Variants in ADAMTS12 observed in about 807,000 individuals in gnomAD.
ADAMTS12 encodes ADAM metallopeptidase with thrombospondin type 1 motif 12.
Under a neutral mutation model 167.8 loss-of-function variants are expected in ADAMTS12, and 118 were observed. The ratio of observed to expected loss-of-function variants is 0.70; its 90% confidence interval spans 0.61 to 0.82. ADAMTS12 has a LOEUF of 0.82. Among genes scored for constraint, ADAMTS12 ranks in the 40% least tolerant of loss-of-function variants. The probability of loss-of-function intolerance (pLI) is 0.00; values close to 1 mark genes in which losing one functional copy is unlikely to be tolerated. For missense variants in ADAMTS12, 1,916 were observed against 1,998.8 expected, an observed-to-expected ratio of 0.96 and a Z score of 0.79; for synonymous variants, 704 against 716.9, an observed-to-expected ratio of 0.98 and a Z score of 0.29.
intron 2 of ADAMTS12, among the ~76,000 whole-genome samples, chr5:33,752,298 C>T (rs1412824026): frequency 6.6e-6 from 1 of 152,148 alleles, no homozygotes; most frequent in Admixed American, 6.5e-5. Flanking sequence ...AACTGCTTTG[C>T]CAATGATCTC....
intron 3 of ADAMTS12, among the ~76,000 whole-genome samples, chr5:33,699,993 G>A (rs958408711): frequency 1.2e-4 from 18 of 152,100 alleles, no homozygotes; most frequent in Admixed American, 1.0e-3. Flanking sequence ...GCCACAATGA[G>A]ATATTGCTAT....
At chr5:33,813,743 T>C (rs548148426) in intron 2 of ADAMTS12, among the ~76,000 whole-genome samples, 1 of 152,278 alleles carries the variant, frequency 6.6e-6, no homozygotes, top group South Asian at 2.1e-4. Context: ...CAGCACCAAT[T>C]TGTGGGCCAT....
At chr5:33,612,052 T>A (rs1232236682) in intron 16 of ADAMTS12, among the ~76,000 whole-genome samples, 2 of 152,230 alleles carry the variant, frequency 1.3e-5, no homozygotes, top group Non-Finnish European at 2.9e-5. Context: ...CAGGCAACCT[T>A]CCAATGTTAC....
In ADAMTS12 at chr5:33,685,076, C is replaced by T. The variant is rs542558722; in HGVS notation, c.635-1021G>A. ...AGAAGCCTGGGCTGATACAGGGCAG[C>T]GCCTGGGTCTTTGAAGATTCCTATC... On this transcript the variant is annotated intron_variant, in intron 3 of 23. Transcript: ENST00000504830. 5.3e-5 allele frequency among the ~76,000 whole-genome samples: 8 copies of T among 152,310 alleles called. No individual in the cohort carries two copies. The East Asian group carries it at 5.8e-4, about 11-fold the overall frequency.
At chr5:33,663,164 T>A (rs552931469) in intron 5 of ADAMTS12, among the ~76,000 whole-genome samples, 16 of 152,350 alleles carry the variant, frequency 1.1e-4, no homozygotes, top group African/African-American at 3.6e-4. Flanking sequence ...TAAAAGTCAC[T>A]GAGCTGCTCA....
chr5:33,552,499 T>C (rs893063842), intron 20 of ADAMTS12, among the ~76,000 whole-genome samples: 6 of 152,360 alleles, frequency 3.9e-5, no homozygotes, highest in Admixed American at 1.3e-4. Flanking sequence ...TTTCTTCCTC[T>C]CAAAGTTATA....
chr5:33,814,313 T>C (rs1747571313), intron 2 of ADAMTS12, among the ~76,000 whole-genome samples: 1 of 152,230 alleles, frequency 6.6e-6, no homozygotes, highest in Admixed American at 6.5e-5. Context: ...TCCATATAGA[T>C]ATCTAATTCA....
intron 17 of ADAMTS12, among the ~76,000 whole-genome samples, chr5:33,594,108 G>C (rs1561153774): frequency 6.6e-6 from 1 of 152,186 alleles, no homozygotes; most frequent in Non-Finnish European, 1.5e-5. Context: ...CACGTGTTGT[G>C]GGAGGGACCT....
chr5:33,588,503 T>C (rs1747469094), intron 18 of ADAMTS12, 96 bp downstream of exon 18: 19 of 1,502,796 alleles, frequency 1.3e-5, no homozygotes, highest in Non-Finnish European at 1.7e-5. Context: ...ATTTTGCAAT[T>C]TTACCTAGGG....
chr5:33,874,468 T>C (rs1026254620), intron 2 of ADAMTS12, among the ~76,000 whole-genome samples: 10 of 152,338 alleles, frequency 6.6e-5, no homozygotes, highest in Middle Eastern at 3.4e-3. Context: ...GGAACTCACC[T>C]TCATTGCTGG....
At chr5:33,534,704 C>A (rs1340363442) in intron 23 of ADAMTS12, 129 bp downstream of exon 23, 6 of 1,249,894 alleles carry the variant, frequency 4.8e-6, no homozygotes, top group Admixed American at 5.4e-5. Flanking sequence ...CCCAGGGTTA[C>A]TGGTTGACCT....
Position 33,637,615 on chromosome 5 carries a change from T to C in ADAMTS12, c.1850A>G (p.Lys617Arg), listed in dbSNP as rs1403492663. The change falls in exon 12 of 24, where the codon AAG becomes AGG. Residue 617 changes from lysine to arginine, a missense_variant. Physicochemically the swap from Lys to Arg is conservative, Grantham distance 26. Coordinates refer to ENST00000504830, the MANE Select transcript of ADAMTS12 (RefSeq NM_030955.4). ...QCSEFDTVPY[K>R]NELYHWFPIF... ...GGGAAACCAGTGGTAGAGTTCATTC[T>C]TGTAGGGAACAGTGTCAAATTCACT... The C allele has an allele frequency of 6.2e-7, 1 of 1,613,674 alleles. No homozygotes were observed. Among genetic ancestry groups the C allele is most frequent in the South Asian group, 1.1e-5 (1 of 91,064 alleles).
chr5:33,778,077 T>C (rs7735590), intron 2 of ADAMTS12, among the ~76,000 whole-genome samples: 7,666 of 152,164 alleles, frequency 0.05, 692 homozygotes, highest in African/African-American at 0.18. Context: ...ATAACTGATA[T>C]ATGAAAAATA....
chr5:33,614,103 CA>C, intron 16 of ADAMTS12, 134 bp downstream of exon 16: 1 of 1,240,880 alleles, frequency 8.1e-7, no homozygotes, highest in Non-Finnish European at 1.1e-6. Flanking sequence ...TCACTGTCCG[CA>C]GAGGCCCCTG....
intron 2 of ADAMTS12, among the ~76,000 whole-genome samples, chr5:33,798,728 C>T (rs1746875859): frequency 6.6e-6 from 1 of 152,130 alleles, no homozygotes; most frequent in African/African-American, 2.4e-5. Context: ...GCGTGAGCCA[C>T]CACTCCTAGC....
intron 5 of ADAMTS12, among the ~76,000 whole-genome samples, chr5:33,672,353 CACAT>C (rs1441264622): frequency 1.3e-5 from 2 of 151,806 alleles, no homozygotes; most frequent in Non-Finnish European, 1.5e-5. Flanking sequence ...CACACACATC[CACAT>C]ACATACACAC....
intron 2 of ADAMTS12, among the ~76,000 whole-genome samples, chr5:33,784,683 T>C (rs919421228): frequency 6.6e-6 from 1 of 151,886 alleles, no homozygotes; most frequent in African/African-American, 2.4e-5. Context: ...ATTACCGAGA[T>C]CAACTAAAGA....
intron 3 of ADAMTS12, among the ~76,000 whole-genome samples, chr5:33,686,186 G>A (rs1742317231): frequency 6.6e-6 from 1 of 152,162 alleles, no homozygotes; most frequent in Non-Finnish European, 1.5e-5. Flanking sequence ...CCCTCACAAA[G>A]CCCTTGGGGC....
At position 33,704,436 on chromosome 5, in the gene ADAMTS12, G is replaced by A. The variant is rs78662291; in HGVS notation, c.635-20381C>T. ...AGGAATATTCATATTGATTTACATA[G>A]TGTCTGCACCAATTTACATTTCCAC... is the stretch of plus-strand genomic sequence containing the variant. On this transcript the variant is annotated intron_variant, in intron 3 of 23. Transcript: ENST00000504830. Among the ~76,000 whole-genome samples, 1,099 of 152,062 alleles carry A rather than the reference G, an allele frequency of 7.2e-3. 6 individuals carry two copies. The highest frequency in any genetic ancestry group is 0.012 in the Non-Finnish European group (814 of 67,964).
Sources: allele counts gnomAD v4.1 joint callset (sites outside exome capture counted in the v4.1 genomes callset), GRCh38; gene constraint gnomAD v4.1.1; transcripts MANE v1.5; gene names NCBI Gene and HGNC (gene_info 2026-07-23, HGNC 2026-07-21).